IFT27: variants seen among roughly 807,000 people sequenced by gnomAD.
IFT27 encodes the protein intraflagellar transport protein 27 homolog.
IFT27 carries 19 observed loss-of-function variants against 23.9 expected under a neutral mutation model. The observed-to-expected ratio is 0.79, with a 90% CI of 0.55 to 1.16. IFT27 has a LOEUF of 1.16. Ranked by LOEUF, IFT27 falls within the 50% of genes most tolerant of loss-of-function variation. The pLI, the probability that IFT27 is intolerant of heterozygous loss-of-function variation, is 0.00. For synonymous variants in IFT27, 91 were observed against 89.1 expected (o/e 1.02, Z -0.12); for missense variants, 206 against 228.7 (o/e 0.90, Z 0.64).
At position 36,767,810 on chromosome 22, in the gene IFT27, T is replaced by C; in HGVS notation, c.87A>G (p.Gly29=). The C allele has an allele frequency of 6.2e-7, 1 of 1,614,154 alleles. No individual in the cohort carries two copies. The highest frequency in any genetic ancestry group is 1.7e-4 in the Middle Eastern group (1 of 6,060). The change falls in exon 2 of 7, where the codon GGA becomes GGG. Residue 29 remains glycine, a synonymous_variant. Coordinates refer to ENST00000433985, the MANE Select transcript of IFT27 (RefSeq NM_001177701.3). The part of the protein sequence containing the change: ...TALAQIFRSD[G]AHFQKSYTLT... ...GGGTGTAGCTTTTCTGGAAATGGGCTCCATCACTGCGGAAGATCTGTGCCA... is the reference window on the plus strand; with the variant it reads ...GGGTGTAGCTTTTCTGGAAATGGGCCCCATCACTGCGGAAGATCTGTGCCA...
In IFT27 at chr22:36,767,286, T is replaced by C; in HGVS notation, c.174+20A>G. 6.2e-7 allele frequency: 1 copy of C among 1,609,574 alleles called. No homozygotes were observed. The highest frequency in any genetic ancestry group is 8.5e-7 in the Non-Finnish European group (1 of 1,176,494). Reference sequence around the variant, plus strand: ...CAGCTGGGGGAGCCCTGAGTTCCCCTGGGTAAAGGCATCACTCACCACACT... The same window carrying C: ...CAGCTGGGGGAGCCCTGAGTTCCCCCGGGTAAAGGCATCACTCACCACACT... On this transcript the variant is annotated intron_variant, in intron 3 of 6. Transcript: ENST00000433985.
chr22:36,772,685 C>T, intron 1 of IFT27: 6 of 985,262 alleles, frequency 6.1e-6, no homozygotes, highest in Non-Finnish European at 7.2e-6. Flanking sequence ...CTGCACCTTG[C>T]ACGGTGACTC....
At chr22:36,766,500 G>A (rs1278395648) in intron 3 of IFT27, 11 of 421,684 alleles carry the variant, frequency 2.6e-5, no homozygotes, top group South Asian at 1.8e-4. Context: ...CCACCTGGCA[G>A]AACAGAATGC....
intron 1 of IFT27, among the ~76,000 whole-genome samples, chr22:36,774,832 A>G (rs1938467512): frequency 6.6e-6 from 1 of 152,130 alleles, no homozygotes; most frequent in Non-Finnish European, 1.5e-5. Context: ...AAAAAAAAGA[A>G]AAACAATCCA....
chr22:36,773,506 T>A (rs1188154925), intron 1 of IFT27, among the ~76,000 whole-genome samples: 1 of 151,054 alleles, frequency 6.6e-6, no homozygotes, highest in Non-Finnish European at 1.5e-5. Context: ...TACAAAAAAT[T>A]AGCTGGGTAT....
At position 36,767,876 on chromosome 22, in the gene IFT27, AAAG is replaced by A. The variant is rs770775925; in HGVS notation, c.35-17_35-15del. 2.5e-5 allele frequency: 40 copies of A among 1,606,504 alleles called. 1 individual carries two copies. The South Asian group carries it at 4.2e-4, about 17-fold the overall frequency. The stretch of plus-strand genomic sequence containing the variant: ...CTGCTGGGTCTCCTGTGAGATCAGA[AAAG>A]AAGAAAAAGAACGCCTTAGTTCTCA... On this transcript the variant is annotated splice_polypyrimidine_tract_variant and intron_variant, in intron 1 of 6. Coordinates refer to ENST00000433985, the MANE Select transcript of IFT27 (RefSeq NM_001177701.3).
intron 2 of IFT27, 22 bp downstream of exon 2, chr22:36,767,761 A>C: frequency 6.3e-7 from 1 of 1,599,930 alleles, no homozygotes; most frequent in South Asian, 1.1e-5. Context: ...AGCTGTGGCC[A>C]GGTCTTGACA....
At chr22:36,763,063 A>C in intron 5 of IFT27, 50 bp from the exon 6 acceptor site, 4 of 1,374,612 alleles carry the variant, frequency 2.9e-6, no homozygotes, top group Middle Eastern at 3.6e-4. Flanking sequence ...CACACTCTGG[A>C]AGGACAGCGG....
At position 36,758,376 on chromosome 22, in the gene IFT27, A is replaced by C; in HGVS notation, c.496T>G (p.Cys166Gly). Residue 166 changes from cysteine to glycine, a missense_variant, in exon 7 of 7, where the codon TGC (cysteine) becomes GGC (glycine). Coordinates refer to ENST00000433985, the MANE Select transcript of IFT27 (RefSeq NM_001177701.3). ...AGCTGGTGGAACTGCTTGGCAAGGC[A>C]GTGGAAAGGGGCTTCGAAGTTTTCC... Reference protein sequence around the residue: ...EMENFEAPFHCLAKQFHQLYR... With the variant: ...EMENFEAPFHGLAKQFHQLYR... 6.2e-7 allele frequency: 1 copy of C among 1,614,120 alleles called. No homozygotes were observed. The highest frequency in any genetic ancestry group is 1.3e-5 in the African/African-American group (1 of 75,048).
In IFT27 at chr22:36,767,578, G is replaced by A. The variant is rs111612082; in HGVS notation, c.114+205C>T. Among the ~76,000 whole-genome samples the A allele has an allele frequency of 6.3e-3, 958 of 152,322 alleles. 4 individuals are homozygous for A. The highest frequency in any genetic ancestry group is 0.01 in the Non-Finnish European group (703 of 68,022). On this transcript the variant is annotated intron_variant, in intron 2 of 6. Transcript: ENST00000433985. ...CCTGCCCTGATGTGAGCTGCTACAC[G>A]TGGTGGCCAAGTTGCTTGTGGCCAT...
rs1484924492 is a variant in IFT27, at chr22:36,772,590, A to C, written c.34+3084T>G. On this transcript the variant is annotated intron_variant, in intron 1 of 6. Transcript: ENST00000433985. ...TCCCCGCATCTGGCACACAAAGGGC[A>C]TTCACTTTGTGTTCGCTGTGTTAGA... 9.1e-6 allele frequency: 9 copies of C among 985,454 alleles called. No homozygotes were observed. In the East Asian group the frequency reaches 1.0e-3, roughly 112 times the overall value. The allele number at this position is 985,454 out of a possible 1,614,324, so 61.0% of individuals were successfully genotyped here.
chr22:36,759,015 G>T (rs1226573555), intron 6 of IFT27: 1 of 152,956 alleles, frequency 6.5e-6, no homozygotes, highest in Non-Finnish European at 1.5e-5. Context: ...TGTCTTAAGG[G>T]GGCTCGGCTG....
intron 1 of IFT27, among the ~76,000 whole-genome samples, chr22:36,773,318 C>T (rs1451614622): frequency 6.6e-6 from 1 of 150,378 alleles, no homozygotes; most frequent in African/African-American, 2.5e-5. Flanking sequence ...AGGTTGTGCA[C>T]CACTGCACTC....
intron 1 of IFT27, among the ~76,000 whole-genome samples, chr22:36,768,824 GC>G (rs1489158909): frequency 6.6e-6 from 1 of 152,060 alleles, no homozygotes; most frequent in African/African-American, 2.4e-5. Flanking sequence ...ACGTGGACTT[GC>G]ACTCCACCGT....
At chr22:36,763,439 G>C (rs1938151719) in intron 5 of IFT27, 1 of 267,740 alleles carries the variant, frequency 3.7e-6, no homozygotes, top group Non-Finnish European at 7.2e-6. Context: ...GCTCCCAGCT[G>C]CATCAGCTGC....
intron 1 of IFT27, among the ~76,000 whole-genome samples, chr22:36,772,978 G>A (rs1200256497): frequency 1.3e-5 from 2 of 152,298 alleles, no homozygotes; most frequent in African/African-American, 4.8e-5. Context: ...GCAGATTGAG[G>A]CGCAGGCTGG....
chr22:36,763,015 T>C lies in IFT27; in HGVS notation c.353-2A>G, dbSNP rs1259033280. The C allele has an allele frequency of 2.5e-6, 4 of 1,589,756 alleles. No individual in the cohort carries two copies. Among genetic ancestry groups the C allele is most frequent in the Non-Finnish European group, 3.4e-6 (4 of 1,165,308 alleles). On this transcript the variant is annotated splice_acceptor_variant, in intron 5 of 6. Transcript: ENST00000433985. LOFTEE classifies it high-confidence loss of function. ...CTGTCTTGTTCCCAACTAAAACACCTACTCAGAAGAAACAACCAAAATATG... is the reference window on the plus strand; with the variant it reads ...CTGTCTTGTTCCCAACTAAAACACCCACTCAGAAGAAACAACCAAAATATG...
chr22:36,772,681 C>T (rs4821524), intron 1 of IFT27: 780,357 of 985,016 alleles, frequency 0.79, 310,026 homozygotes, highest in East Asian at 0.91. Context: ...CCCACTGCAC[C>T]TTGCACGGTG....
intron 5 of IFT27, 23 bp from the exon 6 acceptor site, chr22:36,763,036 A>C: frequency 6.5e-7 from 1 of 1,533,598 alleles, no homozygotes; most frequent in Admixed American, 1.8e-5. Flanking sequence ...AACAACCAAA[A>C]TATGGCACTT....
Sources: gnomAD v4.1 joint callset for allele counts (sites outside exome capture counted in the v4.1 genomes callset) on GRCh38, gnomAD v4.1.1 for gene constraint, MANE v1.5 for transcripts, NCBI Gene and HGNC (gene_info 2026-07-23, HGNC 2026-07-21) for gene names.